CCDC171: variants seen among roughly 807,000 people sequenced by gnomAD.
CCDC171 encodes the protein coiled-coil domain containing 171, also known as coiled-coil domain-containing protein 171.
Under a neutral mutation model 168.2 loss-of-function variants are expected in CCDC171, and 177 were observed. The observed-to-expected ratio is 1.05, with a 90% confidence interval of 0.93 to 1.19. The LOEUF is 1.19. Among genes scored for constraint, CCDC171 ranks in the 50% most tolerant of loss-of-function variants. CCDC171 has a pLI of 0.00. For missense variants in CCDC171, 1,991 were observed against 1,539.0 expected, an observed-to-expected ratio of 1.29 and a Z score of -4.91; for synonymous variants, 687 against 540.8, an observed-to-expected ratio of 1.27 and a Z score of -3.75.
At chr9:15,737,717 G>C (rs1252500283) in intron 16 of CCDC171, among the ~76,000 whole-genome samples, 1 of 152,084 alleles carries the variant, frequency 6.6e-6, no homozygotes, top group African/African-American at 2.4e-5. Context: ...ACATATTTTT[G>C]ATGTGTTAAA....
intron 18 of CCDC171, among the ~76,000 whole-genome samples, chr9:15,746,620 C>T (rs528830768): frequency 3.9e-5 from 6 of 152,138 alleles, no homozygotes; most frequent in South Asian, 2.1e-4. Flanking sequence ...AAGAAACAGG[C>T]GATTTGAGTG....
chr9:15,651,647 C>T (rs891464966), intron 7 of CCDC171, among the ~76,000 whole-genome samples: 1 of 152,082 alleles, frequency 6.6e-6, no homozygotes, highest in Non-Finnish European at 1.5e-5. Flanking sequence ...ATAATGACCT[C>T]TAGTTCCATT....
At chr9:15,667,732 G>A (rs1292832751) in intron 9 of CCDC171, among the ~76,000 whole-genome samples, 1 of 152,192 alleles carries the variant, frequency 6.6e-6, no homozygotes, top group Admixed American at 6.5e-5. Context: ...TTTTGTGAGT[G>A]TGACAAAAAT....
chr9:15,613,680 G>A (rs993916028), intron 6 of CCDC171, among the ~76,000 whole-genome samples: 8 of 151,906 alleles, frequency 5.3e-5, no homozygotes, highest in Non-Finnish European at 8.8e-5. Flanking sequence ...GCGCCACCAT[G>A]CCCGGCTAAT....
At chr9:15,995,137 A>G (rs143246485) in intron 3 of CCDC171, among the ~76,000 whole-genome samples, 4 of 152,318 alleles carry the variant, frequency 2.6e-5, no homozygotes, top group Non-Finnish European at 5.9e-5. Context: ...GCTATTCAAG[A>G]AAAAGTTTTT....
chr9:15,857,963 G>A (rs1442824465), intron 23 of CCDC171, among the ~76,000 whole-genome samples: 1 of 151,774 alleles, frequency 6.6e-6, no homozygotes, highest in Non-Finnish European at 1.5e-5. Flanking sequence ...ATGCATATGT[G>A]TGTATATATG....
At chr9:16,004,081 G>T (rs1407333902) in intron 3 of CCDC171, among the ~76,000 whole-genome samples, 1 of 152,190 alleles carries the variant, frequency 6.6e-6, no homozygotes, top group Non-Finnish European at 1.5e-5. Flanking sequence ...GCTGGGATCA[G>T]AAAGGAACAC....
intron 8 of CCDC171, among the ~76,000 whole-genome samples, chr9:15,657,462 T>C (rs2048025756): frequency 6.6e-6 from 1 of 152,200 alleles, no homozygotes; most frequent in Non-Finnish European, 1.5e-5. Flanking sequence ...AAGTTTTGTC[T>C]TGTCCATAGC....
At chr9:15,854,048 A>G (rs577237285) in intron 23 of CCDC171, among the ~76,000 whole-genome samples, 1 of 145,530 alleles carries the variant, frequency 6.9e-6, no homozygotes, top group Admixed American at 6.9e-5. Flanking sequence ...AATTCATAGG[A>G]CATATTGGTC....
intron 24 of CCDC171, among the ~76,000 whole-genome samples, chr9:15,910,397 C>T (rs779480824): frequency 3.9e-4 from 60 of 152,032 alleles, no homozygotes; most frequent in Admixed American, 8.5e-4. Context: ...CTTTATTCCT[C>T]GCTTCTCCAT....
At chr9:15,642,750 A>C (rs1189441591) in intron 7 of CCDC171, among the ~76,000 whole-genome samples, 1 of 152,154 alleles carries the variant, frequency 6.6e-6, no homozygotes, top group African/African-American at 2.4e-5. Context: ...ATTTAAAATG[A>C]GAAGTTGTGA....
At chr9:15,960,504 A>G (rs1209863414) in intron 25 of CCDC171, among the ~76,000 whole-genome samples, 1 of 152,190 alleles carries the variant, frequency 6.6e-6, no homozygotes, top group Non-Finnish European at 1.5e-5. Flanking sequence ...AATTCCTGAA[A>G]TAAAGCCTAG....
chr9:15,637,222 C>G (rs556163253), intron 7 of CCDC171, among the ~76,000 whole-genome samples: 27 of 152,272 alleles, frequency 1.8e-4, no homozygotes, highest in African/African-American at 6.3e-4. Flanking sequence ...TGCCACTGCA[C>G]TCCAGCCTGG....
intron 3 of CCDC171, among the ~76,000 whole-genome samples, chr9:15,984,028 T>C (rs1037712722): frequency 1.3e-5 from 1 of 74,880 alleles, no homozygotes; most frequent in Non-Finnish European, 2.8e-5. Flanking sequence ...GGAGCATCTG[T>C]AGTCCTCTGT....
intron 25 of CCDC171, among the ~76,000 whole-genome samples, chr9:15,962,589 A>G (rs1359026162): frequency 6.6e-6 from 1 of 151,936 alleles, no homozygotes; most frequent in Non-Finnish European, 1.5e-5. Context: ...CTTATTTTCC[A>G]TTTTTGATTA....
At chr9:15,712,023 T>G (rs1042144663) in intron 11 of CCDC171, among the ~76,000 whole-genome samples, 3 of 152,196 alleles carry the variant, frequency 2.0e-5, no homozygotes, top group African/African-American at 7.2e-5. Context: ...TCCTGAGAAC[T>G]GGGAGAGCTG....
intron 21 of CCDC171, among the ~76,000 whole-genome samples, chr9:15,830,968 ATTTTTT>A (rs71325936): frequency 2.4e-5 from 3 of 123,002 alleles, no homozygotes; most frequent in Non-Finnish European, 4.8e-5. Context: ...CCATATCTTA[ATTTTTT>A]TTTTTTTTTT....
At chr9:16,074,105 T>C in the CCDC171 span, among the ~76,000 whole-genome samples, 1 of 152,152 alleles carries the variant, frequency 6.6e-6, no homozygotes, top group Non-Finnish European at 1.5e-5. Context: ...ATTCTCCATA[T>C]AAGAACTTTC....
chr9:15,814,207 G>C (rs1412241308), intron 21 of CCDC171, among the ~76,000 whole-genome samples: 2 of 152,168 alleles, frequency 1.3e-5, no homozygotes, highest in African/African-American at 4.8e-5. Context: ...TACCAGCCTC[G>C]GGCTGGGTCA....
Sources: allele counts gnomAD v4.1 joint callset (sites outside exome capture counted in the v4.1 genomes callset), GRCh38; gene constraint gnomAD v4.1.1; transcripts MANE v1.5; gene names NCBI Gene and HGNC (gene_info 2026-07-23, HGNC 2026-07-21).